Variants in MATR3 observed in about 807,000 individuals in gnomAD.
MATR3 encodes matrin-3.
Under a neutral mutation model 85.5 loss-of-function variants are expected in MATR3, and 4 were observed. The ratio of observed to expected loss-of-function variants is 0.05; its 90% CI spans 0.02 to 0.11. The LOEUF (loss-of-function observed/expected upper bound fraction) is 0.11, where lower values mean the gene tolerates loss of function less well. Ranked by LOEUF, MATR3 falls within the 10% of genes least tolerant of loss-of-function variation. MATR3 has a pLI of 1.00. For missense variants in MATR3, 685 were observed against 1,016.1 expected (o/e 0.67, Z 4.43); for synonymous variants, 336 against 343.1 (o/e 0.98, Z 0.23).
chr5:139,303,400 A>G (rs1366377397), intron 1 of MATR3, among the ~76,000 whole-genome samples: 1 of 152,204 alleles, frequency 6.6e-6, no homozygotes, highest in Non-Finnish European at 1.5e-5. Context: ...GCGCCCTGCC[A>G]GAGAAAAATT....
At chr5:139,290,438 C>CTTTTTTTTTT (rs762364450), upstream of MATR3, among the ~76,000 whole-genome samples, 2,085 of 44,956 alleles carry the variant, frequency 0.046, 713 homozygotes, top group African/African-American at 0.14. Context: ...CCTGGCCGCT[C>CTTTTTTTTTT]TTTTTTTTTT....
At chr5:139,326,623 G>A (rs751864116) in intron 14 of MATR3, among the ~76,000 whole-genome samples, 4 of 152,054 alleles carry the variant, frequency 2.6e-5, no homozygotes, top group Non-Finnish European at 5.9e-5. Context: ...GTTTCACCAT[G>A]TTGGCTAGCC....
chr5:139,329,449 A>C lies in MATR3; in HGVS notation c.*54A>C, dbSNP rs751028651. 1 of 1,426,680 alleles carries C rather than the reference A, an allele frequency of 7.0e-7. No individual in the cohort carries two copies. Among genetic ancestry groups the C allele is most frequent in the East Asian group, 2.3e-5 (1 of 43,630 alleles). The allele number at this position is 1,426,680 out of a possible 1,614,324, so 88.4% of individuals were successfully genotyped here. A position where few individuals can be genotyped will look rare whatever the true frequency, so the allele number is the denominator to read the frequency against. The stretch of plus-strand genomic sequence containing the variant: ...AGAAAATAATGGTTCTTTGTTTTTA[A>C]TGTTAACCTTTTTTAAATACAATAC... On this transcript the variant is annotated 3_prime_UTR_variant, in exon 15 of 15. Transcript: ENST00000394805.
intron 1 of MATR3, among the ~76,000 whole-genome samples, chr5:139,301,552 C>G (rs1029787656): frequency 6.6e-6 from 1 of 152,024 alleles, no homozygotes; most frequent in Admixed American, 6.6e-5. Flanking sequence ...GACTCCTGAC[C>G]TTAAAGTGAT....
At chr5:139,314,951 C>A (rs942050454) in intron 3 of MATR3, 3 of 496,830 alleles carry the variant, frequency 6.0e-6, no homozygotes, top group Non-Finnish European at 1.1e-5. Context: ...TTTAACATTT[C>A]TAGGATACAT....
At chr5:139,302,618 C>T (rs974085273) in intron 1 of MATR3, among the ~76,000 whole-genome samples, 3 of 151,888 alleles carry the variant, frequency 2.0e-5, no homozygotes, top group South Asian at 2.1e-4. Context: ...AAGTCCTGAC[C>T]GCAGGAATCA....
chr5:139,291,603 C>T (rs1171163241), upstream of MATR3, among the ~76,000 whole-genome samples: 4 of 152,066 alleles, frequency 2.6e-5, no homozygotes, highest in Non-Finnish European at 1.5e-5. Context: ...AATGGCGCGA[C>T]CTTGGCTTCA....
chr5:139,287,870 T>C (rs2151896723), intron 3 of MATR3, among the ~76,000 whole-genome samples: 1 of 152,268 alleles, frequency 6.6e-6, no homozygotes, highest in East Asian at 1.9e-4. Context: ...TTTCCATCAT[T>C]GTAGAATGTC....
At chr5:139,329,273 G>A (rs1756010128) in intron 14 of MATR3, 72 bp from the exon 15 acceptor site, 5 of 1,072,578 alleles carry the variant, frequency 4.7e-6, no homozygotes, top group East Asian at 4.8e-5. Context: ...TAGGATATTT[G>A]ATTTTGGAAT....
At chr5:139,310,649 C>A (rs1022190195) in intron 2 of MATR3, 1 of 152,022 alleles carries the variant, frequency 6.6e-6, no homozygotes, top group Admixed American at 6.5e-5. Flanking sequence ...TCTACATGAT[C>A]AAAAATTCTT....
Position 139,316,071 on chromosome 5 carries a change from A to G in MATR3, c.1017-5A>G. The stretch of plus-strand genomic sequence containing the variant: ...GATTTATATTTTATGTCTTCACTTT[A>G]CTAGGGGTGATCCATTCATGTTGCA... On this transcript the variant is annotated splice_polypyrimidine_tract_variant and splice_region_variant and intron_variant, in intron 4 of 14. Transcript: ENST00000394805. 2 of 1,594,276 alleles carry G rather than the reference A, an allele frequency of 1.3e-6. No individual in the cohort carries two copies. Among genetic ancestry groups the G allele is most frequent in the Non-Finnish European group, 1.7e-6 (2 of 1,162,750 alleles).
chr5:139,308,438 T>G lies in MATR3; in HGVS notation c.912+111T>G, dbSNP rs568664581. 2.2e-6 allele frequency: 3 copies of G among 1,367,996 alleles called. No homozygotes were observed. In the East Asian group the frequency reaches 6.9e-5, roughly 31 times the overall value. The allele number at this position is 1,367,996 out of a possible 1,614,324, so 84.7% of individuals were successfully genotyped here. A position where few individuals can be genotyped will look rare whatever the true frequency, so the allele number is the denominator to read the frequency against. On this transcript the variant is annotated intron_variant, in intron 2 of 14. Transcript: ENST00000394805. ...ATGACATTGAGTTGATCAAGCATTTTTAAACTTTTGAGAACACTTACTTTA... is the reference window on the plus strand; with the variant it reads ...ATGACATTGAGTTGATCAAGCATTTGTAAACTTTTGAGAACACTTACTTTA...
rs547759431 is a variant in MATR3 at position 139,301,710 on chromosome 5, A to G, written c.-177-5529A>G. Among the ~76,000 whole-genome samples the G allele has an allele frequency of 1.3e-3, 202 of 152,362 alleles. 1 individual carries two copies. Among genetic ancestry groups the G allele is most frequent in the Non-Finnish European group, 1.7e-3 (119 of 68,032 alleles). The stretch of plus-strand genomic sequence containing the variant: ...GTTTATGTCGTAGTTCAAATAGACA[A>G]TGAACATCATCAGGTACACGGGGTA... On this transcript the variant is annotated intron_variant, in intron 1 of 14. Transcript: ENST00000394805.
Position 139,322,670 on chromosome 5 carries a change from G to C in MATR3, c.1851G>C (p.Lys617Asn). The change falls in exon 12 of 15, where the codon AAG becomes AAC. Residue 617 changes from lysine to asparagine, a missense_variant. Lys to Asn is a moderately conservative substitution (Grantham distance 94). Around this residue, in one of 9 missense-constraint regions of MATR3, gnomAD observed 215 missense variants for 194.7 expected, o/e 1.10. Transcript: ENST00000394805. ...AATCCAAAACTGATGGTTCCCAGAAGACTGAGAGTTCAACCGAAGGTAAAG... is the reference window on the plus strand; with the variant it reads ...AATCCAAAACTGATGGTTCCCAGAACACTGAGAGTTCAACCGAAGGTAAAG... ...DKKSKTDGSQ[K>N]TESSTEGKEQ... 2 of 1,614,152 alleles carry C rather than the reference G, an allele frequency of 1.2e-6. No individual in the cohort carries two copies. Among genetic ancestry groups the C allele is most frequent in the Non-Finnish European group, 1.7e-6 (2 of 1,180,010 alleles).
chr5:139,294,132 C>T (rs974647091), intron 1 of MATR3: 4 of 1,128,132 alleles, frequency 3.5e-6, no homozygotes, highest in African/African-American at 3.2e-5. Context: ...CCTGCGCGTC[C>T]TGGGCTCGTT....
At chr5:139,282,282 C>T (rs528478775) in intron 3 of MATR3, among the ~76,000 whole-genome samples, 1 of 152,328 alleles carries the variant, frequency 6.6e-6, no homozygotes, top group Middle Eastern at 3.4e-3. Flanking sequence ...AACTTAAAAT[C>T]TCTGCTTAGC....
chr5:139,321,446 G>A (rs916708586), intron 9 of MATR3, among the ~76,000 whole-genome samples: 8 of 151,722 alleles, frequency 5.3e-5, no homozygotes, highest in Non-Finnish European at 1.0e-4. Context: ...GAGCCACTGC[G>A]CCCAGCCCTG....
intron 10 of MATR3, 36 bp downstream of exon 10, chr5:139,322,065 T>C (rs1334179367): frequency 6.2e-7 from 1 of 1,606,292 alleles, no homozygotes; most frequent in Admixed American, 1.7e-5. Context: ...TTTAACAGCT[T>C]GTTTTTACAT....
intron 5 of MATR3, 36 bp from the exon 6 acceptor site, chr5:139,317,017 T>A: frequency 6.3e-7 from 1 of 1,594,510 alleles, no homozygotes; most frequent in Non-Finnish European, 8.6e-7. Flanking sequence ...GCAAGTATAG[T>A]GATTACAAGA....
Sources: allele counts gnomAD v4.1 joint callset (sites outside exome capture counted in the v4.1 genomes callset), GRCh38; gene constraint gnomAD v4.1.1; regional missense constraint gnomAD v4.1.1; transcripts MANE v1.5; gene names NCBI Gene and HGNC (gene_info 2026-07-23, HGNC 2026-07-21).